Variants in GTF2I observed in about 807,000 individuals in gnomAD.
The protein encoded by GTF2I is general transcription factor II-I.
A neutral mutation model predicts 67.6 loss-of-function variants in GTF2I; 12 were observed. That is an observed-to-expected ratio of 0.18 (90% CI 0.11 to 0.29). The LOEUF (loss-of-function observed/expected upper bound fraction) is 0.29. GTF2I is among the 10% of genes least tolerant of loss of function. The pLI is 1.00. For missense variants in GTF2I, 271 were observed against 580.1 expected, an observed-to-expected ratio of 0.47 and a Z score of 5.47; for synonymous variants, 149 against 197.0, an observed-to-expected ratio of 0.76 and a Z score of 2.04.
chr7:74,667,491 C>T (rs1316941625), intron 1 of GTF2I, among the ~76,000 whole-genome samples: 1 of 152,022 alleles, frequency 6.6e-6, no homozygotes, highest in Non-Finnish European at 1.5e-5. Flanking sequence ...GTAACATATA[C>T]TTAACACAAA....
intron 1 of GTF2I, among the ~76,000 whole-genome samples, chr7:74,668,826 C>G (rs1279609779): frequency 6.6e-6 from 1 of 152,004 alleles, no homozygotes; most frequent in African/African-American, 2.4e-5. Flanking sequence ...CCTGCCTTGG[C>G]CTCCCAGAGT....
At chr7:74,660,738 C>T (rs1266079172) in intron 1 of GTF2I, among the ~76,000 whole-genome samples, 2 of 150,856 alleles carry the variant, frequency 1.3e-5, no homozygotes, top group African/African-American at 2.4e-5. Context: ...TCTCCTGCTT[C>T]AGACTCCTGA....
chr7:74,680,123 T>A, intron 1 of GTF2I, among the ~76,000 whole-genome samples: 1 of 140,182 alleles, frequency 7.1e-6, no homozygotes, highest in East Asian at 2.0e-4. Context: ...TATATGTATG[T>A]ATGTATGTAT....
At chr7:74,660,580 A>C (rs1238263209) in intron 1 of GTF2I, among the ~76,000 whole-genome samples, 2 of 116,972 alleles carry the variant, frequency 1.7e-5, no homozygotes, top group Non-Finnish European at 3.7e-5. Flanking sequence ...GGGCACCTTT[A>C]TTTTCTCTCT....
At chr7:74,700,464 G>A in intron 5 of GTF2I, 34 bp downstream of exon 5, 1 of 1,610,282 alleles carries the variant, frequency 6.2e-7, no homozygotes, top group Non-Finnish European at 8.5e-7. Flanking sequence ...CCCATCAACA[G>A]TTGATTCGTA....
rs113703084 is a variant in GTF2I at position 74,719,366 on chromosome 7, C to A, written c.943+425C>A. Among the ~76,000 whole-genome samples, 869 of 152,266 alleles carry A rather than the reference C, an allele frequency of 5.7e-3. 10 individuals are homozygous for A. The highest frequency in any genetic ancestry group is 0.02 in the African/African-American group (824 of 41,550). On this transcript the variant is annotated intron_variant, in intron 12 of 34. Coordinates refer to ENST00000573035, the MANE Select transcript of GTF2I (RefSeq NM_032999.4). ...TAATTTTTAAAGCAAGTCCCTGCCC[C>A]CTTCAACGACCCGCAAATACTACTT...
At position 74,706,292 on chromosome 7, in the gene GTF2I, G is replaced by A. The variant is rs1554401387; in HGVS notation, c.642-98G>A. 6.3e-6 allele frequency: 6 copies of A among 952,042 alleles called. No homozygotes were observed. The African/African-American group carries it at 8.1e-5, about 13-fold the overall frequency. The allele number at this position is 952,042 out of a possible 1,614,324, so 59.0% of individuals were successfully genotyped here. A position where few individuals can be genotyped will look rare whatever the true frequency, so the allele number is the denominator to read the frequency against. On this transcript the variant is annotated intron_variant, in intron 7 of 34. Coordinates refer to ENST00000573035, the MANE Select transcript of GTF2I (RefSeq NM_032999.4). ...TCAGGTTTGCACCCACCTTGGTCAA[G>A]GGAGGGATCTTAACACTTTGAGACC...
At position 74,692,136 on chromosome 7, in the gene GTF2I, C is replaced by T. The variant is rs587657563; in HGVS notation, c.238+1025C>T. Among the ~76,000 whole-genome samples, 13 of 149,744 alleles carry T rather than the reference C, an allele frequency of 8.7e-5. No individual in the cohort carries two copies. In the South Asian group the frequency reaches 1.5e-3, roughly 17 times the overall value. ...GTCACCAGGCTGGAGTGCAGTGGCG[C>T]GATCTCCGCTCACTGCAACTTCCAC... On this transcript the variant is annotated intron_variant, in intron 3 of 34. Transcript: ENST00000573035.
intron 1 of GTF2I, among the ~76,000 whole-genome samples, chr7:74,660,610 T>C (rs1391929980): frequency 1.5e-5 from 2 of 129,280 alleles, no homozygotes; most frequent in Admixed American, 9.3e-5. Context: ...TTTTCCTTTT[T>C]CTTTTCTTTT....
At chr7:74,677,111 A>C (rs771667309) in intron 1 of GTF2I, among the ~76,000 whole-genome samples, 42 of 152,138 alleles carry the variant, frequency 2.8e-4, no homozygotes, top group Non-Finnish European at 5.1e-4. Context: ...ACAGTTTCAG[A>C]GATGAAAAGA....
chr7:74,664,541 C>A (rs1804802606), intron 1 of GTF2I, among the ~76,000 whole-genome samples: 1 of 152,094 alleles, frequency 6.6e-6, no homozygotes. Context: ...TCAAGCGATT[C>A]TCCTGCCTCA....
intron 1 of GTF2I, among the ~76,000 whole-genome samples, chr7:74,661,556 G>T (rs1049572008): frequency 6.6e-6 from 1 of 152,034 alleles, no homozygotes; most frequent in South Asian, 2.1e-4. Context: ...GCGTGCGTAC[G>T]TAGTTTCAGC....
At chr7:74,702,420 G>A (rs1274570641) in intron 6 of GTF2I, among the ~76,000 whole-genome samples, 1 of 152,038 alleles carries the variant, frequency 6.6e-6, no homozygotes, top group Non-Finnish European at 1.5e-5. Flanking sequence ...TAGAGACGAG[G>A]TTTCACCATG....
intron 1 of GTF2I, among the ~76,000 whole-genome samples, chr7:74,662,755 C>G (rs1339723528): frequency 2.6e-5 from 4 of 152,012 alleles, no homozygotes; most frequent in African/African-American, 9.7e-5. Context: ...AACTCCTGAC[C>G]TTGTGATCTG....
intron 6 of GTF2I, among the ~76,000 whole-genome samples, chr7:74,701,287 A>G (rs1789703539): frequency 6.6e-6 from 1 of 152,220 alleles, no homozygotes; most frequent in African/African-American, 2.4e-5. Flanking sequence ...TCGGAAGTAA[A>G]TAACCAGTAT....
chr7:74,689,587 C>A (rs959623671), intron 2 of GTF2I, among the ~76,000 whole-genome samples: 3 of 151,916 alleles, frequency 2.0e-5, no homozygotes, highest in Non-Finnish European at 2.9e-5. Context: ...AACTCCTGAC[C>A]TCTTGATCCA....
intron 1 of GTF2I, among the ~76,000 whole-genome samples, chr7:74,672,568 A>T (rs1165521004): frequency 6.6e-6 from 1 of 152,084 alleles, no homozygotes; most frequent in African/African-American, 2.4e-5. Flanking sequence ...AACAAAAAAA[A>T]ACACAGAGCC....
At chr7:74,700,670 G>C (rs1554399657) in intron 6 of GTF2I, 36 bp downstream of exon 6, 3 of 1,602,494 alleles carry the variant, frequency 1.9e-6, no homozygotes, top group East Asian at 2.2e-5. Flanking sequence ...TAGCTGGCTG[G>C]CCTCCGTTTT....
intron 11 of GTF2I, 60 bp downstream of exon 11, chr7:74,717,010 T>C: frequency 6.5e-7 from 1 of 1,547,090 alleles, no homozygotes. Context: ...TTCTATTTTA[T>C]AGATTCTATT....
Sources: gnomAD v4.1 joint callset for allele counts (sites outside exome capture counted in the v4.1 genomes callset) on GRCh38, gnomAD v4.1.1 for gene constraint, MANE v1.5 for transcripts, NCBI Gene and HGNC (gene_info 2026-07-23, HGNC 2026-07-21) for gene names.